The following PLXNA4 variants were observed in gnomAD, a reference collection of about 807,000 sequenced individuals.
PLXNA4 encodes the protein plexin A4.
A neutral mutation model predicts 191.8 loss-of-function variants in PLXNA4; 44 were observed. That is an observed-to-expected ratio of 0.23 (90% CI 0.18 to 0.29). The LOEUF (loss-of-function observed/expected upper bound fraction) is 0.29. Among genes scored for constraint, PLXNA4 ranks in the 10% least tolerant of loss-of-function variants. PLXNA4 has a pLI of 1.00. For synonymous variants in PLXNA4, 1,082 were observed against 1,009.5 expected, an observed-to-expected ratio of 1.07 and a Z score of -1.36; for missense variants, 1,800 against 2,488.8, an observed-to-expected ratio of 0.72 and a Z score of 5.89.
intron 22 of PLXNA4, among the ~76,000 whole-genome samples, chr7:132,167,546 T>C (rs1796158246): frequency 6.6e-6 from 1 of 152,174 alleles, no homozygotes. Context: ...TTTTTAATTT[T>C]TTTTTAGCGA....
At chr7:132,492,890 CA>C (rs1797861104) in intron 2 of PLXNA4, among the ~76,000 whole-genome samples, 1 of 152,162 alleles carries the variant, frequency 6.6e-6, no homozygotes, top group Non-Finnish European at 1.5e-5. Flanking sequence ...CTGCCTGGAA[CA>C]GGGGTAGAAT....
intron 9 of PLXNA4, among the ~76,000 whole-genome samples, chr7:132,218,491 CT>C (rs1798040400): frequency 6.6e-6 from 1 of 152,202 alleles, no homozygotes; most frequent in Non-Finnish European, 1.5e-5. Flanking sequence ...GCTCACTTTG[CT>C]TTTCAGTTTA....
At position 132,508,758 on chromosome 7, in the gene PLXNA4, C is replaced by T. The variant is rs1438559223; in HGVS notation, c.-65G>A. 1.4e-6 allele frequency: 2 copies of T among 1,443,916 alleles called. No individual in the cohort carries two copies. The highest frequency in any genetic ancestry group is 1.8e-6 in the Non-Finnish European group (2 of 1,103,508). 89.4% of individuals were successfully genotyped at this position (1,443,916 alleles called of 1,614,324 possible). A position where few individuals can be genotyped will look rare whatever the true frequency, so the allele number is the denominator to read the frequency against. On this transcript the variant is annotated 5_prime_UTR_variant, in exon 2 of 32. Coordinates refer to ENST00000321063, the MANE Select transcript of PLXNA4 (RefSeq NM_020911.2). This position sits in a 1 kb window ranked among gnomAD's most constrained non-coding sequence, Gnocchi z 4.4. ...CAGTCGTCCCCTCAGAGGGCCAGGA[C>T]TCAGCAATGCAGTCTCCCCTACTGG...
chr7:132,328,170 C>T (rs527959404), intron 3 of PLXNA4, among the ~76,000 whole-genome samples: 10 of 152,124 alleles, frequency 6.6e-5, no homozygotes, highest in Non-Finnish European at 1.0e-4. Context: ...GTCGGGCGGG[C>T]GCTGGCTTCT....
chr7:132,140,228 A>G (rs930413712), intron 30 of PLXNA4, among the ~76,000 whole-genome samples: 1 of 152,176 alleles, frequency 6.6e-6, no homozygotes, highest in African/African-American at 2.4e-5. Context: ...TGCAGCAATG[A>G]TGTAGTTTGG....
chr7:132,144,432 A>G (rs949344568), intron 29 of PLXNA4, among the ~76,000 whole-genome samples: 11 of 152,214 alleles, frequency 7.2e-5, no homozygotes, highest in Non-Finnish European at 1.3e-4. Flanking sequence ...GAGAACACCT[A>G]GAGTGTCAAT....
intron 5 of PLXNA4, among the ~76,000 whole-genome samples, chr7:132,233,863 A>G (rs1798604538): frequency 6.6e-6 from 1 of 152,198 alleles, no homozygotes; most frequent in Non-Finnish European, 1.5e-5. Flanking sequence ...TATTGAACAA[A>G]ACCTTAGGTG....
At chr7:132,302,339 A>C (rs1584964227) in intron 3 of PLXNA4, among the ~76,000 whole-genome samples, 2 of 152,302 alleles carry the variant, frequency 1.3e-5, no homozygotes, top group Non-Finnish European at 2.9e-5. Context: ...GACAGTTGCC[A>C]CGTGGCAAAT....
At chr7:132,304,226 T>C (rs1479744663) in intron 3 of PLXNA4, among the ~76,000 whole-genome samples, 1 of 152,134 alleles carries the variant, frequency 6.6e-6, no homozygotes, top group African/African-American at 2.4e-5. Context: ...CAGCATCATC[T>C]TGAGGAGAGA....
At chr7:132,576,939 C>T (rs544410135), upstream of PLXNA4, 10 of 148,830 alleles carry the variant, frequency 6.7e-5, no homozygotes, top group African/African-American at 2.2e-4. The surrounding 1 kb of genome is among the most constrained non-coding windows in gnomAD (Gnocchi z 5.8). Flanking sequence ...GGAGCGCTCT[C>T]GGCGCCTCTG....
intron 3 of PLXNA4, among the ~76,000 whole-genome samples, chr7:132,354,124 C>T (rs1803603164): frequency 6.6e-6 from 1 of 152,092 alleles, no homozygotes; most frequent in South Asian, 2.1e-4. Flanking sequence ...GGATTAATGG[C>T]ATCTGAATCA....
chr7:132,374,060 G>C (rs1433387), intron 3 of PLXNA4, among the ~76,000 whole-genome samples: 50,551 of 152,072 alleles, frequency 0.33, 9,632 homozygotes, highest in African/African-American at 0.49. Context: ...ACATCAGAGA[G>C]TAATCATGAG....
chr7:132,579,343 A>G (rs1485821975), upstream of PLXNA4, among the ~76,000 whole-genome samples: 1 of 152,088 alleles, frequency 6.6e-6, no homozygotes, highest in Non-Finnish European at 1.5e-5. Flanking sequence ...GTGAGAAAAC[A>G]ACTCTGTCTC....
At chr7:132,286,427 G>A (rs758901174) in intron 4 of PLXNA4, among the ~76,000 whole-genome samples, 17 of 152,180 alleles carry the variant, frequency 1.1e-4, no homozygotes, top group Non-Finnish European at 2.4e-4. Flanking sequence ...GGACACCGGC[G>A]CTAAGTTAGG....
In PLXNA4 at chr7:132,161,914, G is replaced by A. The variant is rs981233; in HGVS notation, c.4500+2228C>T. Among the ~76,000 whole-genome samples the A allele has an allele frequency of 1.6e-3, 248 of 152,266 alleles. 1 individual carries two copies. Among genetic ancestry groups the A allele is most frequent in the African/African-American group, 5.7e-3 (236 of 41,544 alleles). On this transcript the variant is annotated intron_variant, in intron 24 of 31. Transcript: ENST00000321063. ...CTGCACCCAGATGTTGCTGATGTTG[G>A]TACTAGGGTGCTCCCACTGGCATGG...
intron 1 of PLXNA4, among the ~76,000 whole-genome samples, chr7:132,544,647 G>C (rs1800218578): frequency 6.6e-6 from 1 of 152,238 alleles, no homozygotes; most frequent in Admixed American, 6.5e-5. Flanking sequence ...TGCCCATTAG[G>C]GTTAACTTCC....
chr7:132,199,557 G>A (rs887255416), intron 12 of PLXNA4, among the ~76,000 whole-genome samples: 1 of 152,164 alleles, frequency 6.6e-6, no homozygotes, highest in African/African-American at 2.4e-5. Flanking sequence ...CCAGAGAAGG[G>A]CATGCTTCCA....
intron 30 of PLXNA4, among the ~76,000 whole-genome samples, chr7:132,135,408 T>C (rs1795083207): frequency 6.6e-6 from 1 of 152,192 alleles, no homozygotes; most frequent in Admixed American, 6.5e-5. Flanking sequence ...GTAATTTCTC[T>C]CACCAGCTGT....
At chr7:132,284,975 A>G (rs549397673) in intron 4 of PLXNA4, among the ~76,000 whole-genome samples, 15 of 152,190 alleles carry the variant, frequency 9.9e-5, no homozygotes, top group Non-Finnish European at 1.9e-4. Flanking sequence ...TCAGCCTCCC[A>G]AAGTGCTGGG....
Sources: allele counts gnomAD v4.1 joint callset (sites outside exome capture counted in the v4.1 genomes callset), GRCh38; gene constraint gnomAD v4.1.1; non-coding constraint Gnocchi (gnomAD v3.1); transcripts MANE v1.5; gene names NCBI Gene and HGNC (gene_info 2026-07-23, HGNC 2026-07-21).